Variants in RAD51B observed in about 807,000 individuals in gnomAD.
RAD51B encodes the protein RAD51 paralog B, also known as DNA repair protein RAD51 homolog 2.
Under a neutral mutation model 42.2 loss-of-function variants are expected in RAD51B, and 38 were observed. The observed-to-expected ratio is 0.90, with a 90% CI of 0.70 to 1.18. The LOEUF is 1.18. RAD51B is among the 50% of genes most tolerant of loss of function. The pLI is 0.00. For missense variants in RAD51B, 373 were observed against 400.7 expected, an observed-to-expected ratio of 0.93 and a Z score of 0.59; for synonymous variants, 154 against 145.2, an observed-to-expected ratio of 1.06 and a Z score of -0.43.
rs377566398 is a variant in RAD51B at position 68,293,989 on chromosome 14, GT to G, written c.853+2011del. 4.6e-5 allele frequency among the ~76,000 whole-genome samples: 7 copies of G among 152,248 alleles called. No homozygotes were observed. The East Asian group carries it at 9.7e-4, about 21-fold the overall frequency. The stretch of plus-strand genomic sequence containing the variant: ...ATCATATAAAGCACCTATGAACATT[GT>G]TAAAAATTGTTATAATTATTACACA... On this transcript the variant is annotated intron_variant, in intron 8 of 10. Transcript: ENST00000471583.
intron 4 of RAD51B, among the ~76,000 whole-genome samples, chr14:67,854,428 G>A (rs1301287072): frequency 6.6e-6 from 1 of 152,068 alleles, no homozygotes. Flanking sequence ...GAGGCCAGGA[G>A]TTTGAGACCA....
At chr14:68,451,602 T>C (rs2085559381) in intron 9 of RAD51B, among the ~76,000 whole-genome samples, 1 of 152,216 alleles carries the variant, frequency 6.6e-6, no homozygotes. Context: ...TGTCTTGTGT[T>C]TTCTTCTTGT....
intron 11 of RAD51B, among the ~76,000 whole-genome samples, chr14:68,677,631 G>A (rs1001781359): frequency 3.9e-5 from 6 of 152,182 alleles, no homozygotes; most frequent in South Asian, 2.1e-4. Flanking sequence ...TGGCTTCAGC[G>A]TGGGTGTCCT....
chr14:68,379,012 C>T (rs1368722382), intron 8 of RAD51B, among the ~76,000 whole-genome samples: 1 of 152,168 alleles, frequency 6.6e-6, no homozygotes, highest in Admixed American at 6.5e-5. Context: ...CCAATTACAG[C>T]AACAAATACA....
intron 5 of RAD51B, among the ~76,000 whole-genome samples, chr14:67,878,743 G>A (rs1038851568): frequency 6.6e-6 from 1 of 151,782 alleles, no homozygotes; most frequent in Non-Finnish European, 1.5e-5. Flanking sequence ...CACTGTCGCC[G>A]GGCTTGAGTG....
intron 7 of RAD51B, among the ~76,000 whole-genome samples, chr14:68,094,299 G>A (rs530683539): frequency 2.4e-4 from 36 of 152,232 alleles, no homozygotes; most frequent in Middle Eastern, 3.4e-3. Flanking sequence ...TTACATTCAG[G>A]CCTTGATTCA....
intron 8 of RAD51B, among the ~76,000 whole-genome samples, chr14:68,356,384 G>A (rs987465298): frequency 1.1e-4 from 16 of 145,746 alleles, no homozygotes; most frequent in African/African-American, 3.8e-4. Context: ...GCAGTGAGCC[G>A]AGGTTGTGTC....
intron 4 of RAD51B, among the ~76,000 whole-genome samples, chr14:67,850,810 T>C (rs1594999652): frequency 6.6e-6 from 1 of 152,238 alleles, no homozygotes; most frequent in East Asian, 1.9e-4. Flanking sequence ...TTTGGGGTGC[T>C]ACACAAGCCC....
At chr14:68,608,718 G>A (rs1891554475) in intron 10 of RAD51B, among the ~76,000 whole-genome samples, 1 of 152,180 alleles carries the variant, frequency 6.6e-6, no homozygotes, top group Non-Finnish European at 1.5e-5. Context: ...GGGGTTAAGT[G>A]AGCATGAACA....
At chr14:67,945,711 TCCAC>T (rs2045368206) in intron 7 of RAD51B, among the ~76,000 whole-genome samples, 1 of 152,118 alleles carries the variant, frequency 6.6e-6, no homozygotes, top group Admixed American at 6.5e-5. Flanking sequence ...CCTCAGTTGA[TCCAC>T]CCGCCTCAGC....
intron 9 of RAD51B, among the ~76,000 whole-genome samples, chr14:68,457,468 A>G (rs983225278): frequency 1.3e-5 from 2 of 152,224 alleles, no homozygotes; most frequent in African/African-American, 2.4e-5. Flanking sequence ...TGTATATTAT[A>G]CCTAAATAAA....
intron 7 of RAD51B, among the ~76,000 whole-genome samples, chr14:68,125,738 G>A (rs1388388299): frequency 6.7e-6 from 1 of 148,874 alleles, no homozygotes; most frequent in Admixed American, 6.6e-5. Context: ...TATTTAAGAG[G>A]TTTTTGTTTT....
At chr14:68,315,993 A>G (rs2082054553) in intron 8 of RAD51B, among the ~76,000 whole-genome samples, 1 of 152,184 alleles carries the variant, frequency 6.6e-6, no homozygotes, top group South Asian at 2.1e-4. Context: ...TTAGACTTAT[A>G]CGGCATTTTC....
chr14:68,127,989 A>G (rs1283749459), intron 7 of RAD51B, among the ~76,000 whole-genome samples: 1 of 152,200 alleles, frequency 6.6e-6, no homozygotes, highest in Non-Finnish European at 1.5e-5. Context: ...ATGATCAACA[A>G]ATATCTATTG....
intron 10 of RAD51B, among the ~76,000 whole-genome samples, chr14:68,630,849 T>C (rs1463269863): frequency 6.6e-6 from 1 of 152,232 alleles, no homozygotes; most frequent in African/African-American, 2.4e-5. Flanking sequence ...GTGGTAATAC[T>C]GCCTGCTGGC....
intron 11 of RAD51B, among the ~76,000 whole-genome samples, chr14:68,671,294 T>G (rs8021168): frequency 5.3e-5 from 8 of 152,056 alleles, no homozygotes; most frequent in South Asian, 2.1e-4. Flanking sequence ...GGCAACATGT[T>G]TTTATTTGGA....
intron 7 of RAD51B, among the ~76,000 whole-genome samples, chr14:68,090,930 C>G (rs1410951754): frequency 2.7e-5 from 4 of 146,794 alleles, no homozygotes; most frequent in African/African-American, 1.0e-4. Context: ...CAATTCCCAC[C>G]TATGAGTGAG....
intron 7 of RAD51B, among the ~76,000 whole-genome samples, chr14:67,933,249 G>A (rs75331201): frequency 0.016 from 2,430 of 152,228 alleles, 61 homozygotes; most frequent in African/African-American, 0.055. Flanking sequence ...AGAATACTGG[G>A]GACCCTGGAG....
chr14:68,200,700 C>T (rs1385095324), intron 7 of RAD51B, among the ~76,000 whole-genome samples: 1 of 152,098 alleles, frequency 6.6e-6, no homozygotes, highest in African/African-American at 2.4e-5. Context: ...GTCACCCAGG[C>T]TGGAGTGCAG....
Sources: allele counts gnomAD v4.1 joint callset (sites outside exome capture counted in the v4.1 genomes callset), GRCh38; gene constraint gnomAD v4.1.1; transcripts MANE v1.5; gene names NCBI Gene and HGNC (gene_info 2026-07-23, HGNC 2026-07-21).